Variants in ENTHD1 observed in about 807,000 individuals in gnomAD.
ENTHD1 encodes ENTH domain containing 1, also known as ENTH domain-containing protein 1.
Under a neutral mutation model 39.1 loss-of-function variants are expected in ENTHD1, and 23 were observed. The observed-to-expected ratio is 0.59, with a 90% CI of 0.42 to 0.83. The LOEUF (loss-of-function observed/expected upper bound fraction) is 0.83. Among genes scored for constraint, ENTHD1 ranks in the 40% least tolerant of loss-of-function variants. The probability of loss-of-function intolerance (pLI) is 0.00; values close to 1 mark genes in which losing one functional copy is unlikely to be tolerated. For synonymous variants in ENTHD1, 230 were observed against 258.2 expected (o/e 0.89, Z 1.05); for missense variants, 624 against 705.4 (o/e 0.88, Z 1.31).
At chr22:39,822,986 T>A (rs1010026503) in intron 4 of ENTHD1, among the ~76,000 whole-genome samples, 1 of 152,222 alleles carries the variant, frequency 6.6e-6, no homozygotes, top group Non-Finnish European at 1.5e-5. Context: ...ACAGAACATT[T>A]CTATCACAAT....
At chr22:39,874,115 G>A (rs938289375) in intron 2 of ENTHD1, 1 of 152,100 alleles carries the variant, frequency 6.6e-6, no homozygotes, top group Admixed American at 6.6e-5. Context: ...GATCTTATGA[G>A]ACTTATTCAC....
At chr22:39,886,561 TA>T (rs567086351) in intron 2 of ENTHD1, among the ~76,000 whole-genome samples, 14 of 152,102 alleles carry the variant, frequency 9.2e-5, no homozygotes, top group East Asian at 3.8e-4. Flanking sequence ...AAACTGCCCT[TA>T]AAAAAAGGTC....
chr22:39,833,134 A>G (rs2065883258), intron 4 of ENTHD1, among the ~76,000 whole-genome samples: 1 of 152,158 alleles, frequency 6.6e-6, no homozygotes, highest in African/African-American at 2.4e-5. Context: ...TTGGGGTATT[A>G]AGAATTAATT....
At chr22:39,873,831 T>G (rs1392313171) in intron 2 of ENTHD1, among the ~76,000 whole-genome samples, 1 of 152,194 alleles carries the variant, frequency 6.6e-6, no homozygotes, top group Non-Finnish European at 1.5e-5. Flanking sequence ...GAAGAAAACA[T>G]AGAACATATT....
chr22:39,855,128 G>C (rs1222536103), intron 3 of ENTHD1, among the ~76,000 whole-genome samples: 1 of 152,104 alleles, frequency 6.6e-6, no homozygotes, highest in East Asian at 1.9e-4. Context: ...CGTTCAATTT[G>C]TATCTCCTTC....
chr22:39,890,783 CTA>C (rs1355911834), intron 1 of ENTHD1, among the ~76,000 whole-genome samples: 1 of 152,004 alleles, frequency 6.6e-6, no homozygotes, highest in Non-Finnish European at 1.5e-5. Context: ...GGAAAAAGGT[CTA>C]GAGAAGTGAA....
intron 5 of ENTHD1, among the ~76,000 whole-genome samples, chr22:39,817,089 C>T (rs1569152758): frequency 1.3e-5 from 2 of 152,032 alleles, no homozygotes; most frequent in Non-Finnish European, 2.9e-5. Context: ...ACTTTTTACC[C>T]AAGTGATAAA....
chr22:39,759,954 T>G (rs761912775), intron 6 of ENTHD1, among the ~76,000 whole-genome samples: 6 of 152,078 alleles, frequency 3.9e-5, no homozygotes, highest in Non-Finnish European at 7.4e-5. Flanking sequence ...GATTTCAATC[T>G]TTTGAAATTT....
chr22:39,864,152 A>G (rs1030197255), intron 2 of ENTHD1, among the ~76,000 whole-genome samples: 5 of 152,196 alleles, frequency 3.3e-5, no homozygotes, highest in African/African-American at 1.2e-4. Flanking sequence ...TTTCCCCTGA[A>G]AAATGGACAA....
At position 39,809,001 on chromosome 22, in the gene ENTHD1, T is replaced by C. The variant is rs1468684635; in HGVS notation, c.832+11992A>G. On this transcript the variant is annotated intron_variant, in intron 5 of 6. Transcript: ENST00000325157. ...TCAACCACATAATACACAGTTACTA[T>C]GTTGATACCCTCTCGAATTTCTACA... 2.6e-5 allele frequency among the ~76,000 whole-genome samples: 4 copies of C among 152,238 alleles called. No homozygotes were observed. The East Asian group carries it at 7.7e-4, about 29-fold the overall frequency.
intron 6 of ENTHD1, among the ~76,000 whole-genome samples, chr22:39,747,378 G>C (rs919262345): frequency 6.6e-6 from 1 of 152,136 alleles, no homozygotes; most frequent in Non-Finnish European, 1.5e-5. Context: ...ATCTGAAAGA[G>C]GCTAAAAATC....
intron 2 of ENTHD1, chr22:39,874,175 CCA>C (rs1193268245): frequency 6.6e-6 from 1 of 152,180 alleles, no homozygotes; most frequent in African/African-American, 2.4e-5. Context: ...TCAATTCCTC[CCA>C]CAGAGTCCCT....
intron 5 of ENTHD1, among the ~76,000 whole-genome samples, chr22:39,806,952 T>A (rs944145006): frequency 6.6e-6 from 1 of 152,094 alleles, no homozygotes; most frequent in Non-Finnish European, 1.5e-5. Flanking sequence ...AGCAGTTCAG[T>A]GTACCAAGCT....
chr22:39,863,547 C>T (rs2066161052), intron 2 of ENTHD1, among the ~76,000 whole-genome samples: 1 of 152,178 alleles, frequency 6.6e-6, no homozygotes, highest in Non-Finnish European at 1.5e-5. Context: ...ACACTGTAAC[C>T]TATAACTCAC....
chr22:39,772,782 T>C, intron 5 of ENTHD1, among the ~76,000 whole-genome samples: 1 of 152,102 alleles, frequency 6.6e-6, no homozygotes, highest in East Asian at 1.9e-4. Flanking sequence ...GTAAATGCTT[T>C]ATAAAGATAT....
chr22:39,888,418 C>T (rs1270692402), intron 1 of ENTHD1, among the ~76,000 whole-genome samples: 1 of 151,674 alleles, frequency 6.6e-6, no homozygotes, highest in East Asian at 1.9e-4. Context: ...TAGGTGTGCG[C>T]CACCATGCCT....
intron 5 of ENTHD1, among the ~76,000 whole-genome samples, chr22:39,782,854 C>G (rs543375247): frequency 6.6e-6 from 1 of 152,282 alleles, no homozygotes; most frequent in East Asian, 1.9e-4. Context: ...AAGGCCTTAC[C>G]TCTAAGATCT....
At position 39,781,102 on chromosome 22, in the gene ENTHD1, C is replaced by T. The variant is rs990447501; in HGVS notation, c.833-15493G>A. Reference sequence around the variant, plus strand: ...TATTCTCAGTAATGGACAGATCATCCAGACAGAAAATCAACAAAGAAACAT... The same window carrying T: ...TATTCTCAGTAATGGACAGATCATCTAGACAGAAAATCAACAAAGAAACAT... On this transcript the variant is annotated intron_variant, in intron 5 of 6. Coordinates refer to ENST00000325157, the MANE Select transcript of ENTHD1 (RefSeq NM_152512.4). 2.6e-5 allele frequency among the ~76,000 whole-genome samples: 4 copies of T among 152,042 alleles called. No homozygotes were observed. The East Asian group carries it at 5.8e-4, about 22-fold the overall frequency.
At chr22:39,860,246 A>G (rs1156731125) in intron 3 of ENTHD1, among the ~76,000 whole-genome samples, 3 of 152,258 alleles carry the variant, frequency 2.0e-5, no homozygotes, top group Non-Finnish European at 2.9e-5. Context: ...GAAAGAAGAA[A>G]GAACTGACAA....
Sources: allele counts gnomAD v4.1 joint callset (sites outside exome capture counted in the v4.1 genomes callset), GRCh38; gene constraint gnomAD v4.1.1; transcripts MANE v1.5; gene names NCBI Gene and HGNC (gene_info 2026-07-23, HGNC 2026-07-21).